Variants in KAZN observed in about 807,000 individuals in gnomAD.
KAZN encodes the protein kazrin.
A neutral mutation model predicts 87.4 loss-of-function variants in KAZN; 40 were observed. The observed-to-expected ratio is 0.46, with a 90% CI of 0.36 to 0.60. KAZN has a LOEUF of 0.60. Among genes scored for constraint, KAZN ranks in the 20% least tolerant of loss-of-function variants. The probability of loss-of-function intolerance (pLI) is 0.00; values close to 1 mark genes in which losing one functional copy is unlikely to be tolerated. For missense variants in KAZN, 898 were observed against 1,073.9 expected, an observed-to-expected ratio of 0.84 and a Z score of 2.29; for synonymous variants, 466 against 458.3, an observed-to-expected ratio of 1.02 and a Z score of -0.22.
intron 1 of KAZN, among the ~76,000 whole-genome samples, chr1:14,768,102 C>A (rs1432239099): frequency 6.6e-6 from 1 of 152,114 alleles, no homozygotes; most frequent in East Asian, 1.9e-4. Context: ...ATTAGAAAGT[C>A]CAAGATCAAC....
At chr1:14,917,241 A>G (rs762689517) in intron 1 of KAZN, among the ~76,000 whole-genome samples, 44 of 152,168 alleles carry the variant, frequency 2.9e-4, no homozygotes, top group Non-Finnish European at 5.9e-4. Flanking sequence ...AGGTCTAAAT[A>G]GGTTTGGGGA....
chr1:14,659,416 C>T (rs1354357287), intron 1 of KAZN, among the ~76,000 whole-genome samples: 2 of 151,712 alleles, frequency 1.3e-5, no homozygotes, highest in Non-Finnish European at 2.9e-5. Context: ...GGGGGAGTCA[C>T]ATGGGGGGAA....
intron 1 of KAZN, among the ~76,000 whole-genome samples, chr1:14,790,010 C>CT (rs534170851): frequency 3.8e-4 from 57 of 148,384 alleles, no homozygotes; most frequent in African/African-American, 6.2e-4. Flanking sequence ...TTTCTTTTTT[C>CT]TTTTTTTTTG....
At chr1:14,198,958 C>T (rs1204691244) in intron 2 of KAZN, among the ~76,000 whole-genome samples, 1 of 152,106 alleles carries the variant, frequency 6.6e-6, no homozygotes, top group African/African-American at 2.4e-5. Context: ...AATCAATACA[C>T]ATTAGGGCTT....
At chr1:14,744,485 T>A (rs1050919777) in intron 1 of KAZN, among the ~76,000 whole-genome samples, 1 of 152,070 alleles carries the variant, frequency 6.6e-6, no homozygotes, top group African/African-American at 2.4e-5. Flanking sequence ...TCCCAGCAAT[T>A]TGGGAGGCTG....
intron 1 of KAZN, among the ~76,000 whole-genome samples, chr1:13,941,898 C>T (rs1042073700): frequency 6.6e-6 from 1 of 152,154 alleles, no homozygotes; most frequent in Non-Finnish European, 1.5e-5. Flanking sequence ...TCTGCTGTGT[C>T]TTCTCTTTTA....
intron 1 of KAZN, among the ~76,000 whole-genome samples, chr1:14,956,445 C>CA (rs759326359): frequency 6.6e-6 from 1 of 151,702 alleles, no homozygotes; most frequent in African/African-American, 2.4e-5. Context: ...ACTAAAAATA[C>CA]AAAAAATTAC....
rs559772834 is a variant in KAZN at position 13,989,139 on chromosome 1, TAACAACATTA to T, written c.91+95385_91+95394del. Among the ~76,000 whole-genome samples, 81 of 152,316 alleles carry T rather than the reference TAACAACATTA, an allele frequency of 5.3e-4. No individual in the cohort carries two copies. In the South Asian group the frequency reaches 0.016, roughly 30 times the overall value. On this transcript the variant is annotated intron_variant, in intron 1 of 16. Coordinates refer to the KAZN transcript ENST00000636203. Reference sequence around the variant, plus strand: ...TTTTGTAACAAACTCGCTTCTGTGATAACAACATTAATCCATTCATGAAGGTTGGAGCCCT... The same window carrying T: ...TTTTGTAACAAACTCGCTTCTGTGATATCCATTCATGAAGGTTGGAGCCCT...
intron 2 of KAZN, among the ~76,000 whole-genome samples, chr1:15,005,603 TG>T (rs1668924263): frequency 1.3e-5 from 2 of 152,168 alleles, no homozygotes; most frequent in African/African-American, 4.8e-5. Flanking sequence ...CTGGCCAATG[TG>T]GCAAAACCCC....
At chr1:15,065,507 A>T in intron 7 of KAZN, 123 bp from the exon 8 acceptor site, 1 of 837,298 alleles carries the variant, frequency 1.2e-6, no homozygotes, top group Non-Finnish European at 1.9e-6. Flanking sequence ...CCCTGACCCC[A>T]CTGGCTTAAA....
At chr1:13,976,336 T>C (rs1222803703) in intron 1 of KAZN, among the ~76,000 whole-genome samples, 4 of 152,178 alleles carry the variant, frequency 2.6e-5, no homozygotes, top group African/African-American at 7.2e-5. Flanking sequence ...TTTGCTGTCA[T>C]AGAACCAAGC....
chr1:14,164,581 C>T (rs1034611503), intron 1 of KAZN, among the ~76,000 whole-genome samples: 15 of 129,656 alleles, frequency 1.2e-4, no homozygotes, highest in African/African-American at 4.4e-4. Flanking sequence ...GCTCTTGTTG[C>T]CCAGACTGGA....
intron 1 of KAZN, among the ~76,000 whole-genome samples, chr1:13,926,556 G>A (rs1640284944): frequency 6.6e-6 from 1 of 151,872 alleles, no homozygotes; most frequent in Non-Finnish European, 1.5e-5. Flanking sequence ...CAGTGACATT[G>A]GGTCCTGATT....
chr1:14,432,789 G>T (rs747381014), intron 2 of KAZN, among the ~76,000 whole-genome samples: 10 of 151,860 alleles, frequency 6.6e-5, no homozygotes, highest in Non-Finnish European at 1.5e-4. Flanking sequence ...TGTTCTCATT[G>T]TTCAGTTCCC....
intron 2 of KAZN, among the ~76,000 whole-genome samples, chr1:14,961,504 C>T (rs575514838): frequency 1.6e-4 from 25 of 152,262 alleles, no homozygotes; most frequent in South Asian, 1.2e-3. Context: ...CCCTCTCTCC[C>T]GGGAGGCACT....
chr1:14,254,493 A>C (rs764452100), intron 2 of KAZN, among the ~76,000 whole-genome samples: 1 of 152,160 alleles, frequency 6.6e-6, no homozygotes, highest in Non-Finnish European at 1.5e-5. Context: ...AACAGCCTCA[A>C]TATAGTGGGG....
rs1639211467 is a variant in KAZN at position 15,066,181 on chromosome 1, C to A, written c.1222+428C>A. The A allele has an allele frequency of 1.0e-6, 1 of 1,003,874 alleles. No individual in the cohort carries two copies. Among genetic ancestry groups the A allele is most frequent in the South Asian group, 4.6e-5 (1 of 21,606 alleles). 62.2% of individuals were successfully genotyped at this position (1,003,874 alleles called of 1,614,324 possible). On this transcript the variant is annotated intron_variant, in intron 8 of 14. Transcript: ENST00000376030. This position sits in a 1 kb window ranked among gnomAD's most constrained non-coding sequence, Gnocchi z 4.3. Reference sequence around the variant, plus strand: ...TTTTTTTCCCCCTTTCTCCTCCCCTCCTCCTTTTTATGAAACTTGAAAACT... The same window carrying A: ...TTTTTTTCCCCCTTTCTCCTCCCCTACTCCTTTTTATGAAACTTGAAAACT...
At chr1:14,818,014 A>G (rs1296312764) in intron 1 of KAZN, among the ~76,000 whole-genome samples, 2 of 152,230 alleles carry the variant, frequency 1.3e-5, no homozygotes, top group Admixed American at 1.3e-4. Context: ...TTGGCAGAAA[A>G]TTGCAAAGTG....
intron 1 of KAZN, among the ~76,000 whole-genome samples, chr1:14,693,594 T>C (rs1298734853): frequency 6.6e-6 from 1 of 152,220 alleles, no homozygotes; most frequent in African/African-American, 2.4e-5. Flanking sequence ...GCCCATCACC[T>C]TACCCTTGAC....
Sources: allele counts gnomAD v4.1 joint callset (sites outside exome capture counted in the v4.1 genomes callset), GRCh38; gene constraint gnomAD v4.1.1; non-coding constraint Gnocchi (gnomAD v3.1); transcripts MANE v1.5; gene names NCBI Gene and HGNC (gene_info 2026-07-23, HGNC 2026-07-21).